HUS1: variants seen among roughly 807,000 people sequenced by gnomAD.
HUS1 encodes HUS1 checkpoint clamp component.
A neutral mutation model predicts 32.6 loss-of-function variants in HUS1; 31 were observed. That is an observed-to-expected ratio of 0.95 (90% CI 0.72 to 1.28). The LOEUF (loss-of-function observed/expected upper bound fraction) is 1.28, where lower values mean the gene tolerates loss of function less well. Among genes scored for constraint, HUS1 ranks in the 50% most tolerant of loss-of-function variants. The probability of loss-of-function intolerance (pLI) is 0.00; values close to 1 mark genes in which losing one functional copy is unlikely to be tolerated. For synonymous variants in HUS1, 123 were observed against 116.6 expected (o/e 1.06, Z -0.36); for missense variants, 340 against 337.7 (o/e 1.01, Z -0.05).
intron 5 of HUS1, among the ~76,000 whole-genome samples, chr7:47,970,102 G>A (rs1407609209): frequency 1.3e-5 from 2 of 151,530 alleles, no homozygotes; most frequent in Non-Finnish European, 2.9e-5. Context: ...GCGTGGTGGC[G>A]GGCGCCTGTA....
chr7:47,976,113 C>A, intron 4 of HUS1: 1 of 337,350 alleles, frequency 3.0e-6, no homozygotes. Flanking sequence ...CAGACAGTCA[C>A]TGCATCACAT....
rs779360913 is a variant in HUS1 at position 47,965,421 on chromosome 7, T to C, written c.778A>G (p.Met260Val). The stretch of plus-strand genomic sequence containing the variant: ...TCATGAAGCAGATCAAAATGCACCA[T>C]CTTGTTATTCACAATATCTGGGAAG... ...KALCNIVNNKMVHFDLLHEDV... is the reference protein window; with the variant it reads ...KALCNIVNNKVVHFDLLHEDV... The change falls in exon 8 of 8, where the codon ATG becomes GTG. Residue 260 changes from methionine (M) to valine (V), a missense_variant. Physicochemically the swap from Met to Val is conservative, Grantham distance 21. Coordinates refer to ENST00000258774, the MANE Select transcript of HUS1 (RefSeq NM_004507.4). 2 of 1,612,594 alleles carry C rather than the reference T, an allele frequency of 1.2e-6. No homozygotes were observed. The highest frequency in any genetic ancestry group is 1.7e-4 in the Middle Eastern group (1 of 6,058).
intron 5 of HUS1, among the ~76,000 whole-genome samples, chr7:47,970,016 G>A (rs1421664757): frequency 1.3e-5 from 2 of 151,736 alleles, no homozygotes; most frequent in Non-Finnish European, 2.9e-5. Context: ...GGCGGATCAC[G>A]AGGTCAGGAG....
intron 2 of HUS1, 44 bp downstream of exon 2, chr7:47,978,645 G>C: frequency 1.2e-6 from 2 of 1,612,560 alleles, no homozygotes; most frequent in Non-Finnish European, 8.5e-7. Flanking sequence ...TCTTTCCAGT[G>C]ACAATCTGCA....
intron 3 of HUS1, 97 bp from the exon 4 acceptor site, chr7:47,976,934 A>C: frequency 1.4e-6 from 1 of 730,786 alleles, no homozygotes; most frequent in Non-Finnish European, 2.3e-6. Context: ...TGAAATACCA[A>C]ATCTAAGTGG....
intron 6 of HUS1, 92 bp from the exon 7 acceptor site, chr7:47,968,017 C>T: frequency 7.6e-7 from 1 of 1,316,912 alleles, no homozygotes; most frequent in Non-Finnish European, 1.0e-6. Context: ...ATAAATGATT[C>T]ACTTTAGCAC....
chr7:47,971,670 G>C (rs1478831527), intron 5 of HUS1, among the ~76,000 whole-genome samples: 3 of 152,114 alleles, frequency 2.0e-5, no homozygotes, highest in African/African-American at 4.8e-5. Flanking sequence ...AAGCCTAGGA[G>C]GTCTCTGGAA....
At chr7:47,971,290 A>C (rs1788594934) in intron 5 of HUS1, 1 of 268,492 alleles carries the variant, frequency 3.7e-6, no homozygotes, top group Non-Finnish European at 7.5e-6. Flanking sequence ...CAAATCCAGA[A>C]GGGTCTGGGG....
rs1005663071 is a variant in HUS1 at position 47,971,389 on chromosome 7, C to T, written c.541-2071G>A. 43 of 442,172 alleles carry T rather than the reference C, an allele frequency of 9.7e-5. 1 individual carries two copies. Among genetic ancestry groups the T allele is most frequent in the Non-Finnish European group, 1.8e-5 (4 of 219,532 alleles). The allele number at this position is 442,172 out of a possible 1,614,324, so 27.4% of individuals were successfully genotyped here. A position where few individuals can be genotyped will look rare whatever the true frequency, so the allele number is the denominator to read the frequency against. On this transcript the variant is annotated intron_variant, in intron 5 of 7. Transcript: ENST00000258774. ...CTTCTGCCATCCCCTCATATACCATCGGGCACCCCTCTTCTACTCCTGCTC... is the reference window on the plus strand; with the variant it reads ...CTTCTGCCATCCCCTCATATACCATTGGGCACCCCTCTTCTACTCCTGCTC...
chr7:47,977,513 G>GA (rs1382292062), intron 3 of HUS1, among the ~76,000 whole-genome samples: 1 of 152,140 alleles, frequency 6.6e-6, no homozygotes, highest in Non-Finnish European at 1.5e-5. Flanking sequence ...TTAAGCAATA[G>GA]AAAAAACATA....
chr7:47,979,467 C>A lies in HUS1; in HGVS notation c.52+1G>T. On this transcript the variant is annotated splice_donor_variant, in intron 1 of 7. Transcript: ENST00000258774. LOFTEE classifies it high-confidence loss of function. ...CGCTCCTCTCCGGCCTCCCTGCTCA[C>A]GTGTGAAGTGGTTCAGACAGGCCCC... 3 of 1,613,508 alleles carry A rather than the reference C, an allele frequency of 1.9e-6. No individual in the cohort carries two copies. Among genetic ancestry groups the A allele is most frequent in the Non-Finnish European group, 2.5e-6 (3 of 1,179,920 alleles).
intron 6 of HUS1, among the ~76,000 whole-genome samples, chr7:47,968,128 T>A (rs954988154): frequency 6.6e-6 from 1 of 152,230 alleles, no homozygotes; most frequent in Non-Finnish European, 1.5e-5. Flanking sequence ...TTCCAAGGCA[T>A]CTTTATTTAC....
At chr7:47,976,883 A>C (rs778607466) in intron 3 of HUS1, 46 bp from the exon 4 acceptor site, 1 of 1,323,190 alleles carries the variant, frequency 7.6e-7, no homozygotes, top group South Asian at 1.2e-5. Context: ...GTTAATATTA[A>C]GCAACAACAA....
At chr7:47,974,233 A>T (rs2128765974) in intron 5 of HUS1, among the ~76,000 whole-genome samples, 1 of 152,308 alleles carries the variant, frequency 6.6e-6, no homozygotes, top group Non-Finnish European at 1.5e-5. Context: ...TGGCAATCCC[A>T]CACTGGGCAG....
chr7:47,970,811 C>A lies in HUS1; in HGVS notation c.541-1493G>T, dbSNP rs567488627. ...GAAACAAAATCAGAATGGAGTCATTCTTTTTGATAGCAATAATATACACCA... is the reference window on the plus strand; with the variant it reads ...GAAACAAAATCAGAATGGAGTCATTATTTTTGATAGCAATAATATACACCA... On this transcript the variant is annotated intron_variant, in intron 5 of 7. Coordinates refer to ENST00000258774, the MANE Select transcript of HUS1 (RefSeq NM_004507.4). Among the ~76,000 whole-genome samples, 16 of 152,292 alleles carry A rather than the reference C, an allele frequency of 1.1e-4. 1 individual carries two copies. The South Asian group carries it at 3.1e-3, about 30-fold the overall frequency.
At chr7:47,965,494 C>A in intron 7 of HUS1, 56 bp from the exon 8 acceptor site, 1 of 1,297,674 alleles carries the variant, frequency 7.7e-7, no homozygotes, top group Non-Finnish European at 1.1e-6. Flanking sequence ...ACATTTTGAT[C>A]TCTACTTTTT....
intron 5 of HUS1, among the ~76,000 whole-genome samples, chr7:47,973,748 T>C (rs1057263053): frequency 1.6e-4 from 24 of 152,244 alleles, no homozygotes; most frequent in African/African-American, 5.5e-4. Flanking sequence ...TCTATGTTTT[T>C]TTAAACTCCA....
Position 47,975,607 on chromosome 7 carries a change from A to C in HUS1, c.540+6T>G. The C allele has an allele frequency of 6.3e-7, 1 of 1,583,048 alleles. No homozygotes were observed. The highest frequency in any genetic ancestry group is 8.7e-7 in the Non-Finnish European group (1 of 1,152,192). On this transcript the variant is annotated splice_donor_region_variant and intron_variant, in intron 5 of 7. Transcript: ENST00000258774. ...AGAGTTCTTTTCTAAAGAAGTTGTGACTTACAAGGTGATTGCTGATGTTTT... is the reference window on the plus strand; with the variant it reads ...AGAGTTCTTTTCTAAAGAAGTTGTGCCTTACAAGGTGATTGCTGATGTTTT...
chr7:47,977,621 G>A (rs1165798592), intron 3 of HUS1, among the ~76,000 whole-genome samples: 4 of 152,220 alleles, frequency 2.6e-5, no homozygotes, highest in Non-Finnish European at 4.4e-5. Flanking sequence ...GCTGGGCGCC[G>A]TGGCTCATGC....
Sources: gnomAD v4.1 joint callset for allele counts (sites outside exome capture counted in the v4.1 genomes callset) on GRCh38, gnomAD v4.1.1 for gene constraint, MANE v1.5 for transcripts, NCBI Gene and HGNC (gene_info 2026-07-23, HGNC 2026-07-21) for gene names.